Variants in KCNN3 observed in about 807,000 individuals in gnomAD.
KCNN3 encodes potassium calcium-activated channel subfamily N member 3.
KCNN3 carries 16 observed loss-of-function variants against 62.9 expected under a neutral mutation model. The observed-to-expected ratio is 0.25, with a 90% confidence interval of 0.17 to 0.39. The LOEUF is 0.39. Ranked by LOEUF, KCNN3 falls within the 10% of genes least tolerant of loss-of-function variation. KCNN3 has a pLI of 1.00. For synonymous variants in KCNN3, 370 were observed against 389.2 expected (o/e 0.95, Z 0.58); for missense variants, 599 against 949.4 (o/e 0.63, Z 4.85).
At chr1:154,867,271 C>A (rs1327288463) in intron 1 of KCNN3, among the ~76,000 whole-genome samples, 2 of 152,180 alleles carry the variant, frequency 1.3e-5, no homozygotes, top group Non-Finnish European at 2.9e-5. Context: ...GCAGAAGGAC[C>A]CGCAGACGCA....
chr1:154,705,255 T>C lies in KCNN3; in HGVS notation c.*2721A>G, dbSNP rs1331459329. 4 of 152,170 alleles carry C rather than the reference T, an allele frequency of 2.6e-5. No homozygotes were observed. The highest frequency in any genetic ancestry group is 4.4e-5 in the Non-Finnish European group (3 of 68,022). The allele number at this position is 152,170 out of a possible 1,614,324, so 9.4% of individuals were successfully genotyped here. ...CTTGGGTGAGCTACACCCAGAATAA[T>C]TAATACTTAAGTCATCAAGGGTTGA... On this transcript the variant is annotated 3_prime_UTR_variant, in exon 8 of 8. Coordinates refer to ENST00000271915, the MANE Select transcript of KCNN3 (RefSeq NM_002249.6).
Position 154,772,250 on chromosome 1 carries a change from G to C in KCNN3, c.1173C>G (p.Ala391=), listed in dbSNP as rs776340934. The C allele has an allele frequency of 6.2e-7, 1 of 1,614,272 alleles. No homozygotes were observed. Residue 391 remains alanine (A), a synonymous_variant, in exon 3 of 8, where the codon GCC becomes GCG. Coordinates refer to ENST00000271915, the MANE Select transcript of KCNN3 (RefSeq NM_002249.6). This position sits in a 1 kb window ranked among gnomAD's most constrained non-coding sequence, Gnocchi z 5.6. ...EYKFFWTARL[A]FSYTPSRAEA... ...CCGCCCGGGAGGGTGTGTAGGAGAAGGCCAGGCGTGCCGTCCAGAAGAACT... is the reference window on the plus strand; with the variant it reads ...CCGCCCGGGAGGGTGTGTAGGAGAACGCCAGGCGTGCCGTCCAGAAGAACT...
At chr1:154,816,959 T>A (rs1279226838) in intron 2 of KCNN3, among the ~76,000 whole-genome samples, 2 of 152,166 alleles carry the variant, frequency 1.3e-5, no homozygotes, top group African/African-American at 4.8e-5. Context: ...CTTGAGACAT[T>A]CCCAGTGTGC....
intron 2 of KCNN3, among the ~76,000 whole-genome samples, chr1:154,790,392 C>T (rs951395804): frequency 6.6e-6 from 1 of 152,214 alleles, no homozygotes; most frequent in Non-Finnish European, 1.5e-5. Flanking sequence ...TACACCTAAC[C>T]TACCGAATGT....
At chr1:154,757,415 G>A (rs1647774848) in intron 3 of KCNN3, among the ~76,000 whole-genome samples, 1 of 152,160 alleles carries the variant, frequency 6.6e-6, no homozygotes, top group South Asian at 2.1e-4. Context: ...TGGCCATGTG[G>A]AACAAGGGTG....
chr1:154,764,073 T>C (rs1306643773), intron 3 of KCNN3, among the ~76,000 whole-genome samples: 15 of 152,226 alleles, frequency 9.9e-5, no homozygotes, highest in Admixed American at 9.8e-4. Flanking sequence ...CTTCATTTAT[T>C]TTTGGGTCCT....
At chr1:154,754,677 A>C (rs1362943864) in intron 3 of KCNN3, among the ~76,000 whole-genome samples, 1 of 152,224 alleles carries the variant, frequency 6.6e-6, no homozygotes, top group Non-Finnish European at 1.5e-5. Context: ...GCCACGTACC[A>C]ACGATGGCAG....
At chr1:154,829,920 C>A (rs530382426) in intron 1 of KCNN3, among the ~76,000 whole-genome samples, 1 of 152,136 alleles carries the variant, frequency 6.6e-6, no homozygotes, top group African/African-American at 2.4e-5. Context: ...ACCATCTGAC[C>A]CCATTTTCCC....
In KCNN3 at chr1:154,714,930, ATCT is replaced by A; in HGVS notation, c.1772_1774del (p.Lys591del). 4 of 1,613,718 alleles carry A rather than the reference ATCT, an allele frequency of 2.5e-6. No individual in the cohort carries two copies. Among genetic ancestry groups the A allele is most frequent in the Non-Finnish European group, 3.4e-6 (4 of 1,179,762 alleles). ...GTGTTTCCTCACTTTGGCATGGTCA[ATCT>A]TCTTTAGCAGCTTTGTGTGTTTATA... On this transcript the variant is annotated inframe_deletion, in exon 6 of 8. Transcript: ENST00000271915.
At chr1:154,728,191 G>A (rs933941194) in intron 4 of KCNN3, among the ~76,000 whole-genome samples, 9 of 152,096 alleles carry the variant, frequency 5.9e-5, no homozygotes, top group Non-Finnish European at 8.8e-5. Flanking sequence ...TTGCAGGGGG[G>A]GCTTTTAATG....
At chr1:154,738,531 C>T (rs1347078332) in intron 3 of KCNN3, among the ~76,000 whole-genome samples, 1 of 152,108 alleles carries the variant, frequency 6.6e-6, no homozygotes, top group Non-Finnish European at 1.5e-5. Flanking sequence ...AGAAGTAAAC[C>T]AAGGAGGAAG....
intron 1 of KCNN3, among the ~76,000 whole-genome samples, chr1:154,834,277 A>C (rs1286274776): frequency 6.6e-6 from 1 of 152,188 alleles, no homozygotes; most frequent in South Asian, 2.1e-4. Context: ...TTCATCTGAG[A>C]GCCTGGAGGA....
chr1:154,793,798 A>G (rs1315650882), intron 2 of KCNN3, among the ~76,000 whole-genome samples: 1 of 152,168 alleles, frequency 6.6e-6, no homozygotes, highest in Non-Finnish European at 1.5e-5. Context: ...AGGAATACTA[A>G]AGACCTGCAG....
At chr1:154,811,513 C>T (rs752330308) in intron 2 of KCNN3, among the ~76,000 whole-genome samples, 11 of 152,200 alleles carry the variant, frequency 7.2e-5, no homozygotes, top group Non-Finnish European at 1.5e-4. Flanking sequence ...CCCAGGTCTA[C>T]GGACCGCAGG....
chr1:154,842,033 G>A (rs1406497769), intron 1 of KCNN3, among the ~76,000 whole-genome samples: 2 of 152,228 alleles, frequency 1.3e-5, no homozygotes, highest in East Asian at 1.9e-4. Context: ...TGGAGAGGGC[G>A]AGCCCAGGGT....
At chr1:154,742,573 C>T (rs1420840223) in intron 3 of KCNN3, among the ~76,000 whole-genome samples, 3 of 152,220 alleles carry the variant, frequency 2.0e-5, no homozygotes, top group Non-Finnish European at 4.4e-5. Flanking sequence ...CTATTTTCAT[C>T]TCGTGTGTCT....
intron 1 of KCNN3, among the ~76,000 whole-genome samples, chr1:154,860,357 CT>C (rs1168764442): frequency 6.6e-6 from 1 of 152,220 alleles, no homozygotes; most frequent in Non-Finnish European, 1.5e-5. Flanking sequence ...GTGTGTCCCC[CT>C]GACCTTCCTC....
In KCNN3 at chr1:154,706,369, A is replaced by C. The variant is rs1178840761; in HGVS notation, c.*1607T>G. ...AAAAAAATCACCCTTTTGTTTTACCATCAACAGATGAAATAGTCCATACAG... is the reference window on the plus strand; with the variant it reads ...AAAAAAATCACCCTTTTGTTTTACCCTCAACAGATGAAATAGTCCATACAG... On this transcript the variant is annotated 3_prime_UTR_variant, in exon 8 of 8. Transcript: ENST00000271915. 6.6e-6 allele frequency: 1 copy of C among 152,250 alleles called. No individual in the cohort carries two copies. The highest frequency in any genetic ancestry group is 6.5e-5 in the Admixed American group (1 of 15,288). 9.4% of individuals were successfully genotyped at this position (152,250 alleles called of 1,614,324 possible).
chr1:154,859,690 C>T (rs200223771), intron 1 of KCNN3: 9 of 1,614,126 alleles, frequency 5.6e-6, no homozygotes, highest in Non-Finnish European at 6.8e-6. Context: ...GGGCAGGGCA[C>T]CCACCTTTAT....
Sources: allele counts gnomAD v4.1 joint callset (sites outside exome capture counted in the v4.1 genomes callset), GRCh38; gene constraint gnomAD v4.1.1; non-coding constraint Gnocchi (gnomAD v3.1); transcripts MANE v1.5; gene names NCBI Gene and HGNC (gene_info 2026-07-23, HGNC 2026-07-21).